Variants in SCMH1 observed in about 807,000 individuals in gnomAD.
SCMH1 encodes polycomb protein SCMH1.
In SCMH1, 37 loss-of-function variants were observed where a neutral mutation model predicts 70.8. The observed-to-expected ratio is 0.52, with a 90% CI of 0.40 to 0.69. The LOEUF is 0.69. SCMH1 is among the 30% of genes least tolerant of loss of function. SCMH1 has a pLI of 0.00. For missense variants in SCMH1, 607 were observed against 827.3 expected, an observed-to-expected ratio of 0.73 and a Z score of 3.27; for synonymous variants, 292 against 307.4, an observed-to-expected ratio of 0.95 and a Z score of 0.52.
chr1:41,056,927 C>T (rs902663114), intron 10 of SCMH1, among the ~76,000 whole-genome samples: 7 of 152,140 alleles, frequency 4.6e-5, no homozygotes, highest in Non-Finnish European at 8.8e-5. Flanking sequence ...TATACTAGAG[C>T]CCTCTGTTCT....
At chr1:41,137,535 A>C (rs1296168363) in intron 6 of SCMH1, among the ~76,000 whole-genome samples, 1 of 152,234 alleles carries the variant, frequency 6.6e-6, no homozygotes, top group Non-Finnish European at 1.5e-5. Flanking sequence ...TCTTGCCTTG[A>C]AAGAGCTGTG....
intron 8 of SCMH1, among the ~76,000 whole-genome samples, chr1:41,089,540 T>C (rs1662715257): frequency 6.6e-6 from 1 of 152,194 alleles, no homozygotes; most frequent in African/African-American, 2.4e-5. Context: ...CAATAAGCCT[T>C]TTGAATGGTT....
chr1:41,115,896 G>A lies in SCMH1; in HGVS notation c.501+1026C>T, dbSNP rs149951634. On this transcript the variant is annotated intron_variant, in intron 7 of 14. Coordinates refer to ENST00000337495, the Ensembl canonical transcript of SCMH1. ...TTATGTTTAGTGTCTCTTATACATAGCATATAGCTAGATTTTTAAAAATCT... is the reference window on the plus strand; with the variant it reads ...TTATGTTTAGTGTCTCTTATACATAACATATAGCTAGATTTTTAAAAATCT... Among the ~76,000 whole-genome samples the A allele has an allele frequency of 7.7e-3, 1,177 of 152,084 alleles. 20 individuals are homozygous for A. Among genetic ancestry groups the A allele is most frequent in the African/African-American group, 0.027 (1,133 of 41,480 alleles).
chr1:41,089,787 C>CT (rs373229472), intron 8 of SCMH1, among the ~76,000 whole-genome samples: 1,503 of 58,694 alleles, frequency 0.026, 173 homozygotes, highest in Middle Eastern at 0.038. Context: ...CATGTTGTCT[C>CT]TTTTTTTTTT....
upstream of SCMH1, chr1:41,242,231 G>GGGCGGGGGCTC: frequency 6.9e-6 from 1 of 145,124 alleles, no homozygotes; most frequent in African/African-American, 2.5e-5. The surrounding 1 kb of genome is among the most constrained non-coding windows in gnomAD (Gnocchi z 5.2). Context: ...GCGGGGGGCG[G>GGGCGGGGGCTC]GGCGGGGGCT....
rs535351853 is a variant in SCMH1, at chr1:41,053,901, T to C, written c.1106-5011A>G. Among the ~76,000 whole-genome samples the C allele has an allele frequency of 4.3e-3, 646 of 151,940 alleles. 4 individuals are homozygous for C. The highest frequency in any genetic ancestry group is 0.013 in the African/African-American group (518 of 41,436). On this transcript the variant is annotated intron_variant, in intron 10 of 14. Transcript: ENST00000337495. ...GCTCTGTCGCCCAGGCTGGAGTGCA[T>C]TGGCGTGATCTCGGCTCACTGCAAG...
chr1:41,208,415 T>A (rs1656121669), intron 1 of SCMH1, among the ~76,000 whole-genome samples: 2 of 124,648 alleles, frequency 1.6e-5, no homozygotes, highest in Admixed American at 8.9e-5. Flanking sequence ...ACCCTAAAAC[T>A]TAGAGTATAA....
At chr1:41,117,854 C>T (rs213763) in intron 6 of SCMH1, among the ~76,000 whole-genome samples, 129,301 of 152,070 alleles carry the variant, frequency 0.85, 55,477 homozygotes, top group East Asian at 0.97. Context: ...TCATGGGAGA[C>T]GGCTCACACT....
intron 1 of SCMH1, among the ~76,000 whole-genome samples, chr1:41,222,206 AAG>A (rs1317350652): frequency 6.6e-6 from 1 of 152,056 alleles, no homozygotes; most frequent in Non-Finnish European, 1.5e-5. Context: ...AAGAAGAAGA[AAG>A]AGAAAGCATG....
At chr1:41,179,593 C>A (rs1183878343) in intron 2 of SCMH1, among the ~76,000 whole-genome samples, 1 of 152,174 alleles carries the variant, frequency 6.6e-6, no homozygotes, top group African/African-American at 2.4e-5. Flanking sequence ...CACCTCTACG[C>A]AAATAAACTA....
chr1:41,162,790 A>G (rs1019719010), intron 2 of SCMH1: 2 of 152,160 alleles, frequency 1.3e-5, no homozygotes, highest in Non-Finnish European at 2.9e-5. Context: ...TGCAGAGAGG[A>G]GCTATCCTTC....
chr1:41,146,521 G>A (rs190276223), intron 5 of SCMH1, among the ~76,000 whole-genome samples: 20 of 151,860 alleles, frequency 1.3e-4, no homozygotes, highest in Admixed American at 3.9e-4. Context: ...GGGTGTACAA[G>A]TTTTAATATA....
intron 1 of SCMH1, among the ~76,000 whole-genome samples, chr1:41,228,689 GT>G (rs1660732730): frequency 6.6e-6 from 1 of 151,876 alleles, no homozygotes; most frequent in South Asian, 2.1e-4. Flanking sequence ...GGAGGCTGCA[GT>G]GAGCCGTGAT....
intron 13 of SCMH1, among the ~76,000 whole-genome samples, chr1:41,036,338 C>G (rs1645293042): frequency 6.6e-6 from 1 of 152,224 alleles, no homozygotes; most frequent in Admixed American, 6.5e-5. Flanking sequence ...TTCCCTCTCT[C>G]AGTGGATGGC....
intron 10 of SCMH1, among the ~76,000 whole-genome samples, chr1:41,056,577 GAAT>G (rs1435579001): frequency 6.6e-6 from 1 of 152,158 alleles, no homozygotes; most frequent in African/African-American, 2.4e-5. Flanking sequence ...GTAAAAAGCT[GAAT>G]AAGCTGAAAA....
chr1:41,152,238 C>A (rs1645133033), intron 4 of SCMH1, among the ~76,000 whole-genome samples: 1 of 152,126 alleles, frequency 6.6e-6, no homozygotes, highest in Non-Finnish European at 1.5e-5. Flanking sequence ...AAAACTGGCT[C>A]TCTCTCACCT....
chr1:41,169,375 G>A (rs568864701), intron 2 of SCMH1, among the ~76,000 whole-genome samples: 9 of 152,186 alleles, frequency 5.9e-5, no homozygotes, highest in Admixed American at 3.3e-4. Context: ...GCCCCTTCTG[G>A]AGAACAAATG....
chr1:41,230,472 G>C (rs1248902223), intron 1 of SCMH1, among the ~76,000 whole-genome samples: 1 of 151,868 alleles, frequency 6.6e-6, no homozygotes, highest in Admixed American at 6.6e-5. Context: ...TGGGCAAGAT[G>C]GCAAGACTTT....
chr1:41,234,417 C>G (rs1661904185), intron 1 of SCMH1, among the ~76,000 whole-genome samples: 1 of 144,280 alleles, frequency 6.9e-6, no homozygotes, highest in South Asian at 2.3e-4. Context: ...GATCACAATA[C>G]TGCACTCCAG....
Sources: gnomAD v4.1 joint callset for allele counts (sites outside exome capture counted in the v4.1 genomes callset) on GRCh38, gnomAD v4.1.1 for gene constraint, Gnocchi (gnomAD v3.1) non-coding constraint, MANE v1.5 for transcripts, NCBI Gene and HGNC (gene_info 2026-07-23, HGNC 2026-07-21) for gene names.